Variants in ANKRD6 observed in about 807,000 individuals in gnomAD.
The protein encoded by ANKRD6 is ankyrin repeat domain 6.
ANKRD6 carries 56 observed loss-of-function variants against 82.3 expected under a neutral mutation model. The observed-to-expected ratio is 0.68, with a 90% CI of 0.55 to 0.85. The LOEUF is 0.85. ANKRD6 is among the 40% of genes least tolerant of loss of function. ANKRD6 has a pLI of 0.00. For missense variants in ANKRD6, 852 were observed against 907.6 expected (o/e 0.94, Z 0.79); for synonymous variants, 347 against 352.1 (o/e 0.99, Z 0.16).
At chr6:89,556,124 C>G (rs1435273483) in intron 1 of ANKRD6, among the ~76,000 whole-genome samples, 2 of 152,258 alleles carry the variant, frequency 1.3e-5, no homozygotes, top group African/African-American at 2.4e-5. Flanking sequence ...CAAGTGGGCA[C>G]AGTGGCAGTG....
chr6:89,447,118 G>T (rs1772188364), intron 1 of ANKRD6, among the ~76,000 whole-genome samples: 1 of 152,158 alleles, frequency 6.6e-6, no homozygotes, highest in African/African-American at 2.4e-5. Flanking sequence ...GCAGGGCATG[G>T]TGATATGCAC....
chr6:89,518,956 G>A (rs1159175575), intron 1 of ANKRD6, among the ~76,000 whole-genome samples: 2 of 152,164 alleles, frequency 1.3e-5, no homozygotes, highest in Non-Finnish European at 2.9e-5. Flanking sequence ...CTTGCAGATG[G>A]CCACCTTCTT....
intron 1 of ANKRD6, among the ~76,000 whole-genome samples, chr6:89,533,511 G>A (rs1583134076): frequency 6.6e-6 from 1 of 152,212 alleles, no homozygotes; most frequent in East Asian, 1.9e-4. Flanking sequence ...TATTTGACCT[G>A]GTACCCTCTT....
Position 89,587,202 on chromosome 6 carries a change from A to G in ANKRD6, c.121-8714A>G, listed in dbSNP as rs1373609808. On this transcript the variant is annotated intron_variant, in intron 2 of 15. Transcript: ENST00000339746. The stretch of plus-strand genomic sequence containing the variant: ...TGAAACTCCGTCTCAAAAAAAAAAA[A>G]AAAAAAGGCTGGGTGCAGTGCCTCA... 2.0e-5 allele frequency among the ~76,000 whole-genome samples: 3 copies of G among 151,870 alleles called. No homozygotes were observed. In the East Asian group the frequency reaches 5.8e-4, roughly 29 times the overall value.
At chr6:89,579,041 T>A (rs1325737787) in intron 2 of ANKRD6, among the ~76,000 whole-genome samples, 1 of 152,178 alleles carries the variant, frequency 6.6e-6, no homozygotes, top group Non-Finnish European at 1.5e-5. Flanking sequence ...TGTCCTTGCC[T>A]CCTGCACACC....
intron 1 of ANKRD6, among the ~76,000 whole-genome samples, chr6:89,545,936 C>G (rs768640406): frequency 5.9e-5 from 9 of 152,226 alleles, no homozygotes; most frequent in Non-Finnish European, 1.0e-4. Context: ...TCCTGAGCAG[C>G]TGGGACCACA....
intron 1 of ANKRD6, among the ~76,000 whole-genome samples, chr6:89,503,043 G>C (rs1779436048): frequency 2.0e-5 from 3 of 152,144 alleles, no homozygotes; most frequent in South Asian, 4.1e-4. Flanking sequence ...CAGGCAGCAG[G>C]GTTCTTGGCT....
intron 1 of ANKRD6, among the ~76,000 whole-genome samples, chr6:89,443,622 C>T (rs572841572): frequency 3.0e-4 from 46 of 151,028 alleles, no homozygotes; most frequent in African/African-American, 1.1e-3. Context: ...GGACTACAGG[C>T]GCATGCCACT....
At chr6:89,452,804 T>A (rs1773014375) in intron 1 of ANKRD6, among the ~76,000 whole-genome samples, 1 of 152,142 alleles carries the variant, frequency 6.6e-6, no homozygotes, top group African/African-American at 2.4e-5. Flanking sequence ...ACTGGCAGGT[T>A]TTAAAGAGAG....
rs1459106196 is a variant in ANKRD6, at chr6:89,621,947, G to T, written c.818G>T (p.Ser273Ile). ...PQVLRFSRGRSLRKKRERLKE... is the reference protein window; with the variant it reads ...PQVLRFSRGRILRKKRERLKE... ...GTCTTGCGCTTCAGTCGTGGGCGAA[G>T]CCTGAGGAAAAAGAGAGAGAGGCTC... Residue 273 changes from serine (S) to isoleucine (I), a missense_variant, in exon 10 of 16, where the codon AGC (serine) becomes ATC (isoleucine). Physicochemically the swap from Ser to Ile is moderately radical, Grantham distance 142. Coordinates refer to ENST00000339746, the MANE Select transcript of ANKRD6 (RefSeq NM_001242809.2). 4 of 1,613,818 alleles carry T rather than the reference G, an allele frequency of 2.5e-6. No homozygotes were observed. The highest frequency in any genetic ancestry group is 3.4e-6 in the Non-Finnish European group (4 of 1,179,910).
In ANKRD6 at chr6:89,623,918, G is replaced by A. The variant is rs758816804; in HGVS notation, c.1079G>A (p.Gly360Glu). The A allele has an allele frequency of 6.8e-6, 11 of 1,613,888 alleles. No individual in the cohort carries two copies. Among genetic ancestry groups the A allele is most frequent in the Non-Finnish European group, 9.3e-6 (11 of 1,179,868 alleles). The change falls in exon 12 of 16, where the codon GGA (glycine) becomes GAA (glutamate). Residue 360 changes from glycine (G) to glutamate (E), a missense_variant. Coordinates refer to ENST00000339746, the MANE Select transcript of ANKRD6 (RefSeq NM_001242809.2). ...DPTPPADQQP[G>E]HQKNLHAHNH... ...ACCCCACCAGCCGACCAACAGCCTG[G>A]ACACCAGAAGAACCTGCATGCTCAT...
rs1355731056 is a variant in ANKRD6, at chr6:89,623,450, C to A, written c.938C>A (p.Ala313Asp). The A allele has an allele frequency of 6.2e-7, 1 of 1,610,958 alleles. No individual in the cohort carries two copies. The highest frequency in any genetic ancestry group is 2.2e-5 in the East Asian group (1 of 44,816). The change falls in exon 11 of 16, where the codon GCT (alanine) becomes GAT (aspartate). Residue 313 changes from alanine to aspartate, a missense_variant. Coordinates refer to ENST00000339746, the MANE Select transcript of ANKRD6 (RefSeq NM_001242809.2). ...GGAGACACCCCCAGCAGTGAACAGGCTGTGGCCAGAAAAGAAGAAGCCAGA... is the reference window on the plus strand; with the variant it reads ...GGAGACACCCCCAGCAGTGAACAGGATGTGGCCAGAAAAGAAGAAGCCAGA... ...SAGDTPSSEQ[A>D]VARKEEAREE...
chr6:89,589,954 G>A (rs890383432), intron 2 of ANKRD6, among the ~76,000 whole-genome samples: 1 of 152,186 alleles, frequency 6.6e-6, no homozygotes, highest in Non-Finnish European at 1.5e-5. Flanking sequence ...GCCTCAGATG[G>A]CCCAGCCTGA....
At chr6:89,440,549 C>T (rs1378753411) in intron 1 of ANKRD6, among the ~76,000 whole-genome samples, 2 of 152,150 alleles carry the variant, frequency 1.3e-5, no homozygotes, top group East Asian at 1.9e-4. Context: ...ATCCACTTCT[C>T]AGTTGCCTTC....
chr6:89,494,525 G>GT (rs1778377349), intron 1 of ANKRD6, among the ~76,000 whole-genome samples: 1 of 152,176 alleles, frequency 6.6e-6, no homozygotes, highest in East Asian at 1.9e-4. Flanking sequence ...TTTAAGCAGT[G>GT]TTTTGCATAC....
chr6:89,471,939 CAAA>C (rs749607605), intron 1 of ANKRD6, among the ~76,000 whole-genome samples: 21 of 52,606 alleles, frequency 4.0e-4, no homozygotes, highest in Middle Eastern at 0.016. Context: ...AACTCCATCT[CAAA>C]AAAAAAAAAA....
At chr6:89,513,073 T>C (rs1562686555) in intron 1 of ANKRD6, among the ~76,000 whole-genome samples, 2 of 152,016 alleles carry the variant, frequency 1.3e-5, no homozygotes, top group Non-Finnish European at 2.9e-5. Flanking sequence ...TATAGGCATG[T>C]GCAACCATGC....
At position 89,631,717 on chromosome 6, in the gene ANKRD6, C is replaced by A. The variant is rs1584037638; in HGVS notation, c.*713C>A. 1 of 151,948 alleles carries A rather than the reference C, an allele frequency of 6.6e-6. No homozygotes were observed. The highest frequency in any genetic ancestry group is 1.5e-5 in the Non-Finnish European group (1 of 67,974). The allele number at this position is 151,948 out of a possible 1,614,324, so 9.4% of individuals were successfully genotyped here. On this transcript the variant is annotated 3_prime_UTR_variant, in exon 16 of 16. Transcript: ENST00000339746. Reference sequence around the variant, plus strand: ...GTTTGTTATTTTCTGTATTTTCAGTCAAAAAATCAGTTATATAGTGATTTT... The same window carrying A: ...GTTTGTTATTTTCTGTATTTTCAGTAAAAAAATCAGTTATATAGTGATTTT...
At chr6:89,629,043 A>G in intron 14 of ANKRD6, 69 bp from the exon 15 acceptor site, 1 of 1,514,902 alleles carries the variant, frequency 6.6e-7, no homozygotes, top group Non-Finnish European at 8.9e-7. Flanking sequence ...GCTTTAATTC[A>G]TAAACCATGT....
Sources: gnomAD v4.1 joint callset for allele counts (sites outside exome capture counted in the v4.1 genomes callset) on GRCh38, gnomAD v4.1.1 for gene constraint, MANE v1.5 for transcripts, NCBI Gene and HGNC (gene_info 2026-07-23, HGNC 2026-07-21) for gene names.